The following TRPM3 variants were observed in gnomAD, a reference collection of about 807,000 sequenced individuals.
TRPM3 encodes the protein long transient receptor potential channel 3.
In TRPM3, 77 loss-of-function variants were observed where a neutral mutation model predicts 181.2. The ratio of observed to expected loss-of-function variants is 0.42; its 90% confidence interval spans 0.35 to 0.51. The LOEUF (loss-of-function observed/expected upper bound fraction) is 0.51, where lower values mean the gene tolerates loss of function less well. Among genes scored for constraint, TRPM3 ranks in the 20% least tolerant of loss-of-function variants. The probability of loss-of-function intolerance (pLI) is 0.01; values close to 1 mark genes in which losing one functional copy is unlikely to be tolerated. For missense variants in TRPM3, 1,759 were observed against 2,196.7 expected (o/e 0.80, Z 3.98); for synonymous variants, 745 against 796.4 (o/e 0.94, Z 1.09).
intron 1 of TRPM3, among the ~76,000 whole-genome samples, chr9:71,367,823 G>T (rs1417136862): frequency 6.6e-6 from 1 of 152,150 alleles, no homozygotes; most frequent in African/African-American, 2.4e-5. Context: ...AACAGGATAC[G>T]CAGCTAATTT....
chr9:70,947,283 T>C (rs150848605), intron 1 of TRPM3, among the ~76,000 whole-genome samples: 1,581 of 152,310 alleles, frequency 0.01, 28 homozygotes, highest in African/African-American at 0.036. Flanking sequence ...CTAATGAAAT[T>C]GAACACCTAT....
chr9:71,207,631 T>C (rs146173997), intron 1 of TRPM3, among the ~76,000 whole-genome samples: 45 of 152,296 alleles, frequency 3.0e-4, no homozygotes, highest in South Asian at 4.1e-4. Flanking sequence ...CTGCATAGTA[T>C]AGTACTATAA....
At chr9:71,114,346 C>T (rs1011093169) in intron 1 of TRPM3, among the ~76,000 whole-genome samples, 1 of 152,072 alleles carries the variant, frequency 6.6e-6, no homozygotes, top group East Asian at 1.9e-4. Context: ...TTAAGTGTGC[C>T]CTTCCTAGAG....
rs150068904 is a variant in TRPM3, at chr9:71,420,647, AAG to A, written c.183+26004_183+26005del. On this transcript the variant is annotated intron_variant, in intron 1 of 24. Transcript: ENST00000357533. ...AAAAAGAAAAAGAAAAAGAGAGAGA[AAG>A]AGAAAGAAAAAGAGAAAGAAAGAGA... is the stretch of plus-strand genomic sequence containing the variant. 5.0e-5 allele frequency among the ~76,000 whole-genome samples: 5 copies of A among 100,414 alleles called. No individual in the cohort carries two copies. The East Asian group carries it at 6.4e-4, about 13-fold the overall frequency. The allele number at this position is 100,414 out of a possible 152,430, so 65.9% of individuals were successfully genotyped here.
At chr9:71,260,263 A>G (rs2149367) in intron 1 of TRPM3, among the ~76,000 whole-genome samples, 80,345 of 151,948 alleles carry the variant, frequency 0.53, 21,324 homozygotes, top group Middle Eastern at 0.59. Flanking sequence ...TACTAGTACC[A>G]TGCTGTTTTG....
At chr9:71,305,514 T>C (rs1344647872) in intron 1 of TRPM3, among the ~76,000 whole-genome samples, 9 of 152,152 alleles carry the variant, frequency 5.9e-5, no homozygotes, top group Admixed American at 5.9e-4. Context: ...CAAGAAAATG[T>C]AGTGAAAAAT....
chr9:71,387,453 A>T lies in TRPM3; in HGVS notation c.183+59200T>A, dbSNP rs188439405. On this transcript the variant is annotated intron_variant, in intron 1 of 24. Coordinates refer to the TRPM3 transcript ENST00000357533. ...AAATACCACATCTTAACTTATACCA[A>T]CAGCCATTCTACTTTACATCTATAA... Among the ~76,000 whole-genome samples, 459 of 152,278 alleles carry T rather than the reference A, an allele frequency of 3.0e-3. 4 individuals are homozygous for T. The highest frequency in any genetic ancestry group is 0.011 in the African/African-American group (439 of 41,566).
At chr9:71,017,115 A>T (rs2097791208) in intron 1 of TRPM3, among the ~76,000 whole-genome samples, 1 of 152,142 alleles carries the variant, frequency 6.6e-6, no homozygotes, top group African/African-American at 2.4e-5. Context: ...AGCTCAGCTA[A>T]TCTACTTCTC....
intron 7 of TRPM3, among the ~76,000 whole-genome samples, chr9:70,769,040 G>T (rs978642493): frequency 6.6e-6 from 1 of 152,054 alleles, no homozygotes; most frequent in Non-Finnish European, 1.5e-5. Context: ...ACTGCTAATT[G>T]GTTTCTTCTC....
intron 1 of TRPM3, among the ~76,000 whole-genome samples, chr9:71,420,771 GA>G: frequency 7.6e-5 from 1 of 13,212 alleles, no homozygotes; most frequent in Non-Finnish European, 1.7e-4. Flanking sequence ...GAGAGAAAGA[GA>G]GAGAAAGAGA....
chr9:70,919,508 G>T (rs951271996), intron 1 of TRPM3, among the ~76,000 whole-genome samples: 3 of 152,164 alleles, frequency 2.0e-5, no homozygotes, highest in Non-Finnish European at 2.9e-5. Context: ...TCCTGGCCAG[G>T]CACGGTGGTT....
intron 6 of TRPM3, among the ~76,000 whole-genome samples, chr9:70,820,054 C>T (rs1224416126): frequency 2.0e-5 from 3 of 152,144 alleles, no homozygotes; most frequent in Non-Finnish European, 4.4e-5. Context: ...ACACCTCCAA[C>T]AAGTCGAGTA....
intron 1 of TRPM3, among the ~76,000 whole-genome samples, chr9:70,929,681 T>C (rs539495692): frequency 2.6e-4 from 40 of 152,316 alleles, no homozygotes; most frequent in African/African-American, 9.6e-4. Flanking sequence ...ATCCTTAACA[T>C]GGTTAGGGAA....
intron 1 of TRPM3, among the ~76,000 whole-genome samples, chr9:71,343,849 C>T (rs2091121511): frequency 6.6e-6 from 1 of 151,798 alleles, no homozygotes; most frequent in Admixed American, 6.6e-5. Context: ...TCTTATTAAA[C>T]CAGAAAGTAA....
intron 1 of TRPM3, among the ~76,000 whole-genome samples, chr9:71,265,979 A>C (rs753682903): frequency 6.6e-6 from 1 of 152,188 alleles, no homozygotes; most frequent in African/African-American, 2.4e-5. Context: ...CTGAGTGTCA[A>C]CTAGTTTGTT....
intron 1 of TRPM3, among the ~76,000 whole-genome samples, chr9:70,959,057 G>A (rs1047538040): frequency 5.9e-5 from 9 of 151,320 alleles, no homozygotes; most frequent in Non-Finnish European, 8.8e-5. Context: ...AATGCTAAAC[G>A]ACGAGTTAAT....
At chr9:70,975,824 C>G (rs2097296544) in intron 1 of TRPM3, among the ~76,000 whole-genome samples, 1 of 152,216 alleles carries the variant, frequency 6.6e-6, no homozygotes, top group Admixed American at 6.5e-5. Context: ...CATCTATTAG[C>G]TGTGCAAACT....
At chr9:71,200,406 G>A (rs1262224112) in intron 1 of TRPM3, among the ~76,000 whole-genome samples, 1 of 150,780 alleles carries the variant, frequency 6.6e-6, no homozygotes, top group Non-Finnish European at 1.5e-5. Flanking sequence ...GTGCAGAGCT[G>A]AGTTCAATTC....
chr9:71,274,598 T>G (rs2084050476), intron 1 of TRPM3, among the ~76,000 whole-genome samples: 1 of 152,158 alleles, frequency 6.6e-6, no homozygotes. Context: ...TGCAAATAAA[T>G]TCCTTAAGAG....
Sources: gnomAD v4.1 joint callset for allele counts (sites outside exome capture counted in the v4.1 genomes callset) on GRCh38, gnomAD v4.1.1 for gene constraint, MANE v1.5 for transcripts, NCBI Gene and HGNC (gene_info 2026-07-23, HGNC 2026-07-21) for gene names.